The following NPAS2 variants were observed in gnomAD, a reference collection of about 807,000 sequenced individuals.
The protein encoded by NPAS2 is neuronal PAS domain-containing protein 2.
In NPAS2, 23 loss-of-function variants were observed where a neutral mutation model predicts 107.5. That is an observed-to-expected ratio of 0.21 (90% CI 0.15 to 0.30). NPAS2 has a LOEUF of 0.30. Among genes scored for constraint, NPAS2 ranks in the 10% least tolerant of loss-of-function variants. NPAS2 has a pLI of 1.00. For synonymous variants in NPAS2, 403 were observed against 417.5 expected (o/e 0.97, Z 0.42); for missense variants, 756 against 1,043.3 (o/e 0.72, Z 3.79).
rs183431168 is a variant in NPAS2, at chr2:100,841,337, C to T, written c.-23+20923C>T. ...CCTATAATCCCAGCTACTTTGGAGA[C>T]TGAGGCAGGAGAATTGCTTGATGAA... is the stretch of plus-strand genomic sequence containing the variant. On this transcript the variant is annotated intron_variant, in intron 1 of 20. Transcript: ENST00000335681. Among the ~76,000 whole-genome samples, 344 of 152,280 alleles carry T rather than the reference C, an allele frequency of 2.3e-3. 2 individuals carry two copies. Among genetic ancestry groups the T allele is most frequent in the Non-Finnish European group, 4.1e-3 (280 of 68,016 alleles).
intron 7 of NPAS2, among the ~76,000 whole-genome samples, chr2:100,955,415 G>A (rs1675509730): frequency 6.6e-6 from 1 of 152,280 alleles, no homozygotes; most frequent in South Asian, 2.1e-4. Flanking sequence ...CCTAAAGTGA[G>A]GCTTGATCTT....
chr2:100,923,630 GA>G (rs955629646), intron 2 of NPAS2, among the ~76,000 whole-genome samples: 3 of 152,116 alleles, frequency 2.0e-5, no homozygotes, highest in African/African-American at 7.2e-5. Flanking sequence ...GCTCCCCTGA[GA>G]ACCATGACCC....
intron 1 of NPAS2, among the ~76,000 whole-genome samples, chr2:100,864,316 A>C (rs901630540): frequency 5.3e-5 from 8 of 152,236 alleles, no homozygotes; most frequent in African/African-American, 1.9e-4. Flanking sequence ...TAGACTGAGT[A>C]GTCCATCAGG....
chr2:100,832,031 A>C (rs1676772516), intron 1 of NPAS2, among the ~76,000 whole-genome samples: 2 of 152,248 alleles, frequency 1.3e-5, no homozygotes, highest in South Asian at 4.1e-4. Flanking sequence ...GCTTCCTGGC[A>C]AGGCTCCAGC....
intron 1 of NPAS2, among the ~76,000 whole-genome samples, chr2:100,852,260 G>A (rs1204846384): frequency 2.6e-5 from 4 of 152,094 alleles, no homozygotes; most frequent in East Asian, 1.9e-4. Flanking sequence ...AGCCGGGCGT[G>A]GTGGTGGGTG....
intron 5 of NPAS2, among the ~76,000 whole-genome samples, chr2:100,945,639 C>A (rs1674848281): frequency 1.3e-5 from 2 of 152,172 alleles, no homozygotes; most frequent in Non-Finnish European, 2.9e-5. Flanking sequence ...CCTGTGCAAC[C>A]TCCTCTGTCA....
chr2:100,884,082 G>A (rs994157051), intron 1 of NPAS2, among the ~76,000 whole-genome samples: 4 of 152,186 alleles, frequency 2.6e-5, no homozygotes, highest in African/African-American at 9.7e-5. Context: ...GCAGGTGCTC[G>A]AGAGAACTTG....
chr2:100,923,838 T>C (rs1327936356), intron 2 of NPAS2, among the ~76,000 whole-genome samples: 1 of 152,228 alleles, frequency 6.6e-6, no homozygotes, highest in Non-Finnish European at 1.5e-5. Context: ...TCATTGAAGA[T>C]GGAGGCCCCT....
At chr2:100,933,550 T>C (rs1477150676) in intron 4 of NPAS2, among the ~76,000 whole-genome samples, 3 of 152,228 alleles carry the variant, frequency 2.0e-5, no homozygotes, top group Non-Finnish European at 4.4e-5. Flanking sequence ...CTGAGTGAGA[T>C]GCTCATGTTC....
chr2:100,843,211 CTG>C (rs1353308324), intron 1 of NPAS2, among the ~76,000 whole-genome samples: 2 of 110,760 alleles, frequency 1.8e-5, no homozygotes. Flanking sequence ...GAGTGAGACT[CTG>C]TCTCAAAAAA....
intron 2 of NPAS2, among the ~76,000 whole-genome samples, chr2:100,905,360 T>G (rs1050202842): frequency 2.0e-5 from 3 of 151,862 alleles, no homozygotes; most frequent in Non-Finnish European, 4.4e-5. Context: ...AGCTGGCATG[T>G]GAGAGCCCTG....
At chr2:100,903,413 TGC>T (rs1336780111) in intron 1 of NPAS2, among the ~76,000 whole-genome samples, 1 of 152,268 alleles carries the variant, frequency 6.6e-6, no homozygotes, top group Non-Finnish European at 1.5e-5. Flanking sequence ...TGCTGTTGAC[TGC>T]ATGGGCATTA....
At position 100,967,871 on chromosome 2, in the gene NPAS2, G is replaced by A. The variant is rs543938536; in HGVS notation, c.908-410G>A. Among the ~76,000 whole-genome samples the A allele has an allele frequency of 1.3e-3, 201 of 152,338 alleles. 1 individual carries two copies. Among genetic ancestry groups the A allele is most frequent in the Non-Finnish European group, 2.4e-3 (164 of 68,036 alleles). ...CTGGCAGCCACAGAATCCGTCCAGA[G>A]GTTGCTGGCTGGCAGGTCTGTTTTC... On this transcript the variant is annotated intron_variant, in intron 10 of 20. Coordinates refer to ENST00000335681, the MANE Select transcript of NPAS2 (RefSeq NM_002518.4).
At chr2:100,852,481 C>T (rs1262226593) in intron 1 of NPAS2, among the ~76,000 whole-genome samples, 1 of 152,174 alleles carries the variant, frequency 6.6e-6, no homozygotes, top group Non-Finnish European at 1.5e-5. Context: ...AATTTTCCCC[C>T]ATGGAACTCT....
chr2:100,892,799 G>C (rs553242179), intron 1 of NPAS2, among the ~76,000 whole-genome samples: 2 of 151,982 alleles, frequency 1.3e-5, no homozygotes, highest in African/African-American at 4.8e-5. Flanking sequence ...AGCTCGTTGC[G>C]GCCTTTGGCT....
intron 5 of NPAS2, among the ~76,000 whole-genome samples, chr2:100,945,518 A>T (rs1674836081): frequency 6.6e-6 from 1 of 152,198 alleles, no homozygotes; most frequent in Non-Finnish European, 1.5e-5. Flanking sequence ...GGATCTCTTT[A>T]AAATGCACGA....
intron 4 of NPAS2, chr2:100,935,052 A>T: frequency 1.0e-6 from 1 of 985,432 alleles, no homozygotes; most frequent in Non-Finnish European, 1.2e-6. Flanking sequence ...AGGAGGACTC[A>T]CATAGCTGTG....
chr2:100,963,968 C>T (rs1185196459), intron 7 of NPAS2, 90 bp from the exon 8 acceptor site: 7 of 761,012 alleles, frequency 9.2e-6, no homozygotes, highest in East Asian at 7.4e-5. Context: ...CTGGGGGCAG[C>T]GCTTGGCTTA....
chr2:100,819,451 G>T (rs1049449946), upstream of NPAS2, among the ~76,000 whole-genome samples: 3 of 152,246 alleles, frequency 2.0e-5, no homozygotes, highest in East Asian at 3.9e-4. The surrounding 1 kb of genome is among the most constrained non-coding windows in gnomAD (Gnocchi z 5.8). Context: ...CCGCTCGCCC[G>T]CATCTTCCCC....
Sources: allele counts gnomAD v4.1 joint callset (sites outside exome capture counted in the v4.1 genomes callset), GRCh38; gene constraint gnomAD v4.1.1; non-coding constraint Gnocchi (gnomAD v3.1); transcripts MANE v1.5; gene names NCBI Gene and HGNC (gene_info 2026-07-23, HGNC 2026-07-21).